Variants in CHRM3 observed in about 807,000 individuals in gnomAD.
The protein encoded by CHRM3 is cholinergic receptor muscarinic 3, also known as muscarinic acetylcholine receptor M3.
In CHRM3, 11 loss-of-function variants were observed where a neutral mutation model predicts 41.8. The ratio of observed to expected loss-of-function variants is 0.26; its 90% confidence interval spans 0.17 to 0.44. The LOEUF (loss-of-function observed/expected upper bound fraction) is 0.44, where lower values mean the gene tolerates loss of function less well. CHRM3 is among the 20% of genes least tolerant of loss of function. CHRM3 has a pLI of 1.00. For synonymous variants in CHRM3, 297 were observed against 301.4 expected, an observed-to-expected ratio of 0.99 and a Z score of 0.15; for missense variants, 571 against 745.4, an observed-to-expected ratio of 0.77 and a Z score of 2.72.
At position 239,796,697 on chromosome 1, in the gene CHRM3, C is replaced by T. The variant is rs184663802; in HGVS notation, c.-146-30555C>T. On this transcript the variant is annotated intron_variant, in intron 5 of 6. Coordinates refer to ENST00000676153, the MANE Select transcript of CHRM3 (RefSeq NM_001375978.1). Reference sequence around the variant, plus strand: ...GCATCCACCAAGTCACACTGCAAGACCTTTTTAAAAAAACAGATTTAGGGG... The same window carrying T: ...GCATCCACCAAGTCACACTGCAAGATCTTTTTAAAAAAACAGATTTAGGGG... Among the ~76,000 whole-genome samples the T allele has an allele frequency of 1.8e-4, 27 of 151,972 alleles. 1 individual carries two copies. The highest frequency in any genetic ancestry group is 6.0e-4 in the African/African-American group (25 of 41,468).
intron 1 of CHRM3, among the ~76,000 whole-genome samples, chr1:239,429,908 T>G (rs561798160): frequency 6.6e-6 from 1 of 151,786 alleles, no homozygotes; most frequent in East Asian, 1.9e-4. Context: ...GGATTGAAAT[T>G]AAAGGAAATA....
At chr1:239,745,728 T>C (rs1287607569) in intron 5 of CHRM3, among the ~76,000 whole-genome samples, 1 of 152,148 alleles carries the variant, frequency 6.6e-6, no homozygotes. Context: ...GCAAAGATGT[T>C]AGCCATATCA....
chr1:239,569,622 T>C (rs1661655946), intron 3 of CHRM3, among the ~76,000 whole-genome samples: 1 of 152,176 alleles, frequency 6.6e-6, no homozygotes, highest in Admixed American at 6.5e-5. Flanking sequence ...GAATGTAATA[T>C]GAAATAAGAA....
intron 5 of CHRM3, among the ~76,000 whole-genome samples, chr1:239,822,836 G>A (rs1039365223): frequency 3.9e-5 from 6 of 152,274 alleles, no homozygotes; most frequent in Non-Finnish European, 7.4e-5. Flanking sequence ...AATTTGCAAC[G>A]TTTGCATCAT....
intron 3 of CHRM3, among the ~76,000 whole-genome samples, chr1:239,604,930 G>T (rs936908569): frequency 2.0e-5 from 3 of 152,088 alleles, no homozygotes; most frequent in African/African-American, 4.8e-5. Flanking sequence ...GCTTATTGGG[G>T]TTCATTTGTT....
At chr1:239,703,289 G>T (rs1019509777) in intron 5 of CHRM3, 2 of 152,166 alleles carry the variant, frequency 1.3e-5, no homozygotes, top group East Asian at 1.9e-4. Context: ...CACTATTGCT[G>T]TGTCTGTGGA....
chr1:239,635,236 G>A (rs995998763), intron 4 of CHRM3, among the ~76,000 whole-genome samples: 8 of 152,238 alleles, frequency 5.3e-5, no homozygotes, highest in Middle Eastern at 3.4e-3. Context: ...CACAGCCAGC[G>A]TCTGCTTTGG....
At chr1:239,903,620 A>T (rs1679746468) in intron 6 of CHRM3, among the ~76,000 whole-genome samples, 1 of 152,142 alleles carries the variant, frequency 6.6e-6, no homozygotes, top group African/African-American at 2.4e-5. Context: ...GGAGTGGCTA[A>T]ATTCAGGTTT....
rs1660376627 is a variant in CHRM3, at chr1:239,556,592, A to G, written c.-313+10843A>G. ...ACCTGCAAAATGTAGCACACTAAAA[A>G]TAGAGTAATTAAAGCTCCAGTTCAA... On this transcript the variant is annotated intron_variant, in intron 3 of 6. Coordinates refer to ENST00000676153, the MANE Select transcript of CHRM3 (RefSeq NM_001375978.1). Among the ~76,000 whole-genome samples the G allele has an allele frequency of 2.6e-5, 4 of 152,196 alleles. No individual in the cohort carries two copies. The South Asian group carries it at 8.3e-4, about 31-fold the overall frequency.
chr1:239,474,687 C>G (rs988097765), intron 1 of CHRM3, among the ~76,000 whole-genome samples: 6 of 152,002 alleles, frequency 3.9e-5, no homozygotes, highest in Non-Finnish European at 8.8e-5. Flanking sequence ...TAACTTGATT[C>G]AAACTAATTT....
rs112157333 is a variant in CHRM3 at position 239,755,872 on chromosome 1, T to C, written c.-146-71380T>C. Among the ~76,000 whole-genome samples the C allele has an allele frequency of 2.2e-3, 339 of 152,354 alleles. 1 individual carries two copies. Among genetic ancestry groups the C allele is most frequent in the African/African-American group, 7.9e-3 (327 of 41,584 alleles). Reference sequence around the variant, plus strand: ...ACTAAGCTATGGTTGTCTTAGAAGATGTATTTTGTTCATCTTCATATTCCC... The same window carrying C: ...ACTAAGCTATGGTTGTCTTAGAAGACGTATTTTGTTCATCTTCATATTCCC... On this transcript the variant is annotated intron_variant, in intron 5 of 6. Coordinates refer to ENST00000676153, the MANE Select transcript of CHRM3 (RefSeq NM_001375978.1).
chr1:239,832,275 GAAAAA>G lies in CHRM3; in HGVS notation c.-20+4902_-20+4906del, dbSNP rs375980886. 6.7e-5 allele frequency among the ~76,000 whole-genome samples: 10 copies of G among 150,336 alleles called. No individual in the cohort carries two copies. In the South Asian group the frequency reaches 1.5e-3, roughly 23 times the overall value. On this transcript the variant is annotated intron_variant, in intron 6 of 6. Transcript: ENST00000676153. ...TTCCTTTATAATTTTGTCAAGCTGA[GAAAAA>G]AAAACAACTGCCACAGTGTGCAGAA...
Position 239,386,780 on chromosome 1 carries a change from A to G in CHRM3, c.-968A>G, listed in dbSNP as rs1375246672. The G allele has an allele frequency of 6.5e-6, 1 of 152,766 alleles. No individual in the cohort carries two copies. Among genetic ancestry groups the G allele is most frequent in the Admixed American group, 6.5e-5 (1 of 15,288 alleles). The allele number at this position is 152,766 out of a possible 1,614,324, so 9.5% of individuals were successfully genotyped here. Reference sequence around the variant, plus strand: ...AAGAAGGAGACGGAAAGAAGAGAAAAAGTGAGGCGGGAGACAGAGGGAAAA... The same window carrying G: ...AAGAAGGAGACGGAAAGAAGAGAAAGAGTGAGGCGGGAGACAGAGGGAAAA... On this transcript the variant is annotated 5_prime_UTR_variant, in exon 1 of 7. Coordinates refer to ENST00000676153, the MANE Select transcript of CHRM3 (RefSeq NM_001375978.1).
At chr1:239,706,618 A>ACC (rs1661195695) in intron 5 of CHRM3, 1 of 25,376 alleles carries the variant, frequency 3.9e-5, no homozygotes, top group Non-Finnish European at 6.6e-5. Flanking sequence ...GTGTCCATGT[A>ACC]CACACACACA....
chr1:239,541,689 T>C (rs1249570020), intron 2 of CHRM3, among the ~76,000 whole-genome samples: 1 of 151,940 alleles, frequency 6.6e-6, no homozygotes, highest in African/African-American at 2.4e-5. Context: ...TTTTTCTATG[T>C]TTTTGTAGAG....
intron 3 of CHRM3, among the ~76,000 whole-genome samples, chr1:239,589,458 CTA>C (rs1237881954): frequency 6.6e-6 from 1 of 150,426 alleles, no homozygotes; most frequent in African/African-American, 2.4e-5. Flanking sequence ...TTACATAAAA[CTA>C]TGTGTATACA....
At chr1:239,497,980 A>C (rs1667992056) in intron 2 of CHRM3, among the ~76,000 whole-genome samples, 1 of 152,156 alleles carries the variant, frequency 6.6e-6, no homozygotes, top group Non-Finnish European at 1.5e-5. Context: ...ACCAATATAA[A>C]CCCTTAAAAT....
chr1:239,709,487 T>A (rs1294525536), intron 5 of CHRM3, among the ~76,000 whole-genome samples: 1 of 152,212 alleles, frequency 6.6e-6, no homozygotes, highest in Non-Finnish European at 1.5e-5. Flanking sequence ...ACCAGTAGAA[T>A]AAAGTTCCTT....
intron 4 of CHRM3, among the ~76,000 whole-genome samples, chr1:239,645,352 C>T (rs1420207352): frequency 6.6e-6 from 1 of 152,160 alleles, no homozygotes; most frequent in Non-Finnish European, 1.5e-5. Context: ...ATGGCACATT[C>T]AATGGAGATA....
Sources: gnomAD v4.1 joint callset for allele counts (sites outside exome capture counted in the v4.1 genomes callset) on GRCh38, gnomAD v4.1.1 for gene constraint, MANE v1.5 for transcripts, NCBI Gene and HGNC (gene_info 2026-07-23, HGNC 2026-07-21) for gene names.